Variants in NPTXR observed in about 807,000 individuals in gnomAD.
The protein encoded by NPTXR is neuronal pentraxin receptor.
A neutral mutation model predicts 32.2 loss-of-function variants in NPTXR; 12 were observed. That is an observed-to-expected ratio of 0.37 (90% CI 0.24 to 0.60). The LOEUF is 0.60. Among genes scored for constraint, NPTXR ranks in the 20% least tolerant of loss-of-function variants. NPTXR has a pLI of 0.66. For synonymous variants in NPTXR, 323 were observed against 315.8 expected (o/e 1.02, Z -0.24); for missense variants, 612 against 682.9 (o/e 0.90, Z 1.16).
At chr22:38,823,617 G>C (rs763323583) in intron 3 of NPTXR, among the ~76,000 whole-genome samples, 1 of 152,214 alleles carries the variant, frequency 6.6e-6, no homozygotes, top group Non-Finnish European at 1.5e-5. Flanking sequence ...GGCTCAAGAA[G>C]TACTGGCAGG....
In NPTXR at chr22:38,843,415, C is replaced by T; in HGVS notation, c.444G>A (p.Gln148=). The change falls in exon 1 of 5, where the codon CAG becomes CAA. Residue 148 remains glutamine (Q), a synonymous_variant. Transcript: ENST00000333039. The surrounding 1 kb of genome is among the most constrained non-coding windows in gnomAD (Gnocchi z 5.3). ...TGCCGGTGAGCTCACGGATGGTGTC[C>T]TGGTCGGCGCGGATGCGCGCCTCCT... 1 of 1,400,466 alleles carries T rather than the reference C, an allele frequency of 7.1e-7. No homozygotes were observed. The highest frequency in any genetic ancestry group is 9.2e-7 in the Non-Finnish European group (1 of 1,084,768). The allele number at this position is 1,400,466 out of a possible 1,614,324, so 86.8% of individuals were successfully genotyped here. A position where few individuals can be genotyped will look rare whatever the true frequency, so the allele number is the denominator to read the frequency against.
Position 38,843,841 on chromosome 22 carries a change from C to T in NPTXR, c.18G>A (p.Val6=). Residue 6 remains valine, a synonymous_variant, in exon 1 of 5, where the codon GTG becomes GTA. Coordinates refer to ENST00000333039, the MANE Select transcript of NPTXR (RefSeq NM_014293.4). This position sits in a 1 kb window ranked among gnomAD's most constrained non-coding sequence, Gnocchi z 5.3. ...ACGCCAGCATGCCCGCGGCCAGCAG[C>T]ACGGCCAGGAACTTCAGCGTGAGGC... is the stretch of plus-strand genomic sequence containing the variant. 1 of 1,016,458 alleles carries T rather than the reference C, an allele frequency of 9.8e-7. No individual in the cohort carries two copies. Among genetic ancestry groups the T allele is most frequent in the Admixed American group, 5.8e-5 (1 of 17,334 alleles). The allele number at this position is 1,016,458 out of a possible 1,614,324, so 63.0% of individuals were successfully genotyped here.
chr22:38,843,705 A>T lies in NPTXR; in HGVS notation c.154T>A (p.Ser52Thr). ...CTCAGGCTCCGCTGCGGGCCCGGGG[A>T]CGCGGCGGCGCCCGAGGCGACCGAA... The change falls in exon 1 of 5, where the codon TCC becomes ACC. Residue 52 changes from serine to threonine, a missense_variant. Physicochemically the swap from Ser to Thr is moderately conservative, Grantham distance 58. Transcript: ENST00000333039. The surrounding 1 kb of genome is among the most constrained non-coding windows in gnomAD (Gnocchi z 5.3). 2 of 992,880 alleles carry T rather than the reference A, an allele frequency of 2.0e-6. No individual in the cohort carries two copies. The highest frequency in any genetic ancestry group is 2.4e-6 in the Non-Finnish European group (2 of 837,088). The allele number at this position is 992,880 out of a possible 1,614,324, so 61.5% of individuals were successfully genotyped here. A position where few individuals can be genotyped will look rare whatever the true frequency, so the allele number is the denominator to read the frequency against.
At position 38,826,588 on chromosome 22, in the gene NPTXR, G is replaced by A. The variant is rs779210615; in HGVS notation, c.1010C>T (p.Pro337Leu). 1.2e-6 allele frequency: 2 copies of A among 1,614,142 alleles called. No individual in the cohort carries two copies. Among genetic ancestry groups the A allele is most frequent in the African/African-American group, 1.3e-5 (1 of 74,962 alleles). Residue 337 changes from proline (P) to leucine (L), a missense_variant, in exon 3 of 5, where the codon CCC (proline) becomes CTC (leucine). Physicochemically the swap from Pro to Leu is moderately conservative, Grantham distance 98. Transcript: ENST00000333039. ...CTGCCCGGGCACTGAGTAGGAGAAG[G>A]GGGTGCCCTGGCCGGTGCCGCTGGA...
rs184622856 is a variant in NPTXR at position 38,821,878 on chromosome 22, G to C, written c.*731C>G. ...GACTATACCAGTGGCCATCACTATG[G>C]GTGAGCACAAGGGGTGACTGCAGCC... On this transcript the variant is annotated 3_prime_UTR_variant, in exon 5 of 5. Coordinates refer to ENST00000333039, the MANE Select transcript of NPTXR (RefSeq NM_014293.4). The C allele has an allele frequency of 5.9e-3, 901 of 153,898 alleles. 3 individuals are homozygous for C. The highest frequency in any genetic ancestry group is 0.01 in the Non-Finnish European group (693 of 68,920). 9.5% of individuals were successfully genotyped at this position (153,898 alleles called of 1,614,324 possible).
chr22:38,830,623 A>G (rs2093114635), intron 1 of NPTXR, among the ~76,000 whole-genome samples: 1 of 152,154 alleles, frequency 6.6e-6, no homozygotes, highest in Non-Finnish European at 1.5e-5. Context: ...CCTCTCCAGA[A>G]GCCCTATTCC....
At chr22:38,835,836 G>A (rs1160918486) in intron 1 of NPTXR, among the ~76,000 whole-genome samples, 1 of 152,176 alleles carries the variant, frequency 6.6e-6, no homozygotes, top group Non-Finnish European at 1.5e-5. Context: ...GGCTGTGGAA[G>A]CACATAAGTG....
In NPTXR at chr22:38,843,897, G is replaced by A; in HGVS notation, c.-39C>T. Reference sequence around the variant, plus strand: ...GCGGGGGCGCCCGAGGCCCCCGGCAGGCGCGGCGGCGGGGTCGGGGCGCGG... The same window carrying A: ...GCGGGGGCGCCCGAGGCCCCCGGCAAGCGCGGCGGCGGGGTCGGGGCGCGG... On this transcript the variant is annotated 5_prime_UTR_variant, in exon 1 of 5. Coordinates refer to ENST00000333039, the MANE Select transcript of NPTXR (RefSeq NM_014293.4). This position sits in a 1 kb window ranked among gnomAD's most constrained non-coding sequence, Gnocchi z 5.3. 1 of 979,636 alleles carries A rather than the reference G, an allele frequency of 1.0e-6. No homozygotes were observed. The highest frequency in any genetic ancestry group is 1.2e-6 in the Non-Finnish European group (1 of 826,794). 60.7% of individuals were successfully genotyped at this position (979,636 alleles called of 1,614,324 possible).
At chr22:38,842,607 AG>A (rs2093133186) in intron 1 of NPTXR, among the ~76,000 whole-genome samples, 1 of 151,968 alleles carries the variant, frequency 6.6e-6, no homozygotes. Flanking sequence ...CCCACCCAAG[AG>A]CTGTGGGCTT....
intron 2 of NPTXR, among the ~76,000 whole-genome samples, chr22:38,827,131 C>T (rs1310303309): frequency 6.6e-6 from 1 of 152,174 alleles, no homozygotes. Flanking sequence ...TGCAGCTGTG[C>T]CCCTGCGATG....
chr22:38,826,394 T>G, intron 3 of NPTXR, 106 bp downstream of exon 3: 1 of 1,342,892 alleles, frequency 7.4e-7, no homozygotes, highest in Non-Finnish European at 1.0e-6. Context: ...GTGCTGAATA[T>G]GCAGAGCAGG....
At chr22:38,838,576 T>A (rs867812227) in intron 1 of NPTXR, among the ~76,000 whole-genome samples, 1 of 57,480 alleles carries the variant, frequency 1.7e-5, no homozygotes, top group Non-Finnish European at 3.3e-5. Context: ...CCTGGCTATT[T>A]TTTTTTTTTT....
chr22:38,831,753 C>T (rs1473156527), intron 1 of NPTXR, among the ~76,000 whole-genome samples: 5 of 152,096 alleles, frequency 3.3e-5, no homozygotes, highest in African/African-American at 1.2e-4. Context: ...GTTCTCCACC[C>T]GCTCTGTGCC....
At chr22:38,833,654 A>AG (rs2093119687) in intron 1 of NPTXR, among the ~76,000 whole-genome samples, 1 of 130,044 alleles carries the variant, frequency 7.7e-6, no homozygotes, top group African/African-American at 3.0e-5. Flanking sequence ...CGTGACTAAC[A>AG]ATTTTTTTTT....
Position 38,822,906 on chromosome 22 carries a change from GT to G in NPTXR, c.1279-74del, listed in dbSNP as rs2093100467. The G allele has an allele frequency of 1.5e-5, 22 of 1,486,112 alleles. 1 individual carries two copies. In the South Asian group the frequency reaches 2.2e-4, roughly 15 times the overall value. The allele number at this position is 1,486,112 out of a possible 1,614,324, so 92.1% of individuals were successfully genotyped here. On this transcript the variant is annotated intron_variant, in intron 4 of 4. Transcript: ENST00000333039. ...CAGAAAAGACAGGCAGGCTGGCTCA[GT>G]CAGGCTCTTGTCCCCGAGGCAGCCC...
chr22:38,831,451 C>T (rs986913946), intron 1 of NPTXR, among the ~76,000 whole-genome samples: 1 of 152,096 alleles, frequency 6.6e-6, no homozygotes, highest in Non-Finnish European at 1.5e-5. Flanking sequence ...ATTCCCAGGA[C>T]AGATGGAAGG....
In NPTXR at chr22:38,828,515, G is replaced by A; in HGVS notation, c.625-3C>T. 1 of 1,585,512 alleles carries A rather than the reference G, an allele frequency of 6.3e-7. No homozygotes were observed. The highest frequency in any genetic ancestry group is 2.3e-5 in the East Asian group (1 of 43,810). On this transcript the variant is annotated splice_region_variant and splice_polypyrimidine_tract_variant and intron_variant, in intron 1 of 4. Coordinates refer to ENST00000333039, the MANE Select transcript of NPTXR (RefSeq NM_014293.4). Reference sequence around the variant, plus strand: ...TTCACACGGGCTGGAAGCTCCTGCTGTTCACAGGGCAGAGAAACAGAAATC... The same window carrying A: ...TTCACACGGGCTGGAAGCTCCTGCTATTCACAGGGCAGAGAAACAGAAATC...
intron 1 of NPTXR, among the ~76,000 whole-genome samples, chr22:38,837,845 T>TTTATTTTATTTTATTTTA (rs1555883124): frequency 7.1e-6 from 1 of 139,898 alleles, no homozygotes; most frequent in South Asian, 2.4e-4. Flanking sequence ...TTATTTTTAT[T>TTTATTTTATTTTATTTTA]TTTTATTTTA....
chr22:38,827,527 C>G (rs571546043), intron 2 of NPTXR, among the ~76,000 whole-genome samples: 1 of 152,210 alleles, frequency 6.6e-6, no homozygotes, highest in Non-Finnish European at 1.5e-5. Context: ...AGCCACCATG[C>G]CTGGGCCTGG....
Sources: allele counts gnomAD v4.1 joint callset (sites outside exome capture counted in the v4.1 genomes callset), GRCh38; gene constraint gnomAD v4.1.1; non-coding constraint Gnocchi (gnomAD v3.1); transcripts MANE v1.5; gene names NCBI Gene and HGNC (gene_info 2026-07-23, HGNC 2026-07-21).